RERG: variants seen among roughly 807,000 people sequenced by gnomAD.
RERG encodes RAS like estrogen regulated growth inhibitor.
Under a neutral mutation model 23.2 loss-of-function variants are expected in RERG, and 25 were observed. The ratio of observed to expected loss-of-function variants is 1.08; its 90% CI spans 0.79 to 1.50. The LOEUF (loss-of-function observed/expected upper bound fraction) is 1.50. Ranked by LOEUF, RERG falls within the 40% of genes most tolerant of loss-of-function variation. RERG has a pLI of 0.00. For synonymous variants in RERG, 81 were observed against 89.1 expected (o/e 0.91, Z 0.51); for missense variants, 253 against 250.1 (o/e 1.01, Z -0.08).
At chr12:15,211,726 C>T (rs568551144) in intron 2 of RERG, among the ~76,000 whole-genome samples, 2 of 152,160 alleles carry the variant, frequency 1.3e-5, no homozygotes, top group Non-Finnish European at 2.9e-5. Flanking sequence ...GATGGACATG[C>T]TAATTCACCT....
At chr12:15,155,610 G>C (rs1864510094) in intron 2 of RERG, among the ~76,000 whole-genome samples, 1 of 152,170 alleles carries the variant, frequency 6.6e-6, no homozygotes, top group African/African-American at 2.4e-5. Context: ...GGGATTGGGG[G>C]ACTCCTGTCT....
At chr12:15,182,300 C>T (rs1032593137) in intron 2 of RERG, among the ~76,000 whole-genome samples, 1 of 152,000 alleles carries the variant, frequency 6.6e-6, no homozygotes, top group Non-Finnish European at 1.5e-5. Flanking sequence ...TTAGGTGATC[C>T]GCCTGTCTCA....
chr12:15,155,117 A>G (rs1342906900), intron 2 of RERG: 1 of 152,170 alleles, frequency 6.6e-6, no homozygotes, highest in East Asian at 1.9e-4. Flanking sequence ...AAGCAATTAA[A>G]AAAAGGAAAA....
At chr12:15,215,924 T>C (rs1368842763) in intron 2 of RERG, among the ~76,000 whole-genome samples, 1 of 152,232 alleles carries the variant, frequency 6.6e-6, no homozygotes, top group African/African-American at 2.4e-5. Context: ...ATTTTTATGT[T>C]TGACTTCTTA....
intron 2 of RERG, among the ~76,000 whole-genome samples, chr12:15,201,583 T>A (rs1011762421): frequency 9.4e-5 from 14 of 148,996 alleles, no homozygotes; most frequent in Non-Finnish European, 1.6e-4. Flanking sequence ...TTAGCTAATA[T>A]TAATTATTAG....
intron 2 of RERG, among the ~76,000 whole-genome samples, chr12:15,161,138 AAAAGAAAGAAAGAAAGAAAGAAAG>A (rs57319626): frequency 0.021 from 895 of 41,638 alleles, 14 homozygotes; most frequent in African/African-American, 0.037. Flanking sequence ...CCATCTCAGA[AAAAGAAAGAAAGAAAGAAAGAAAG>A]AAAGAAAGAA....
chr12:15,166,517 G>GTGGTGA (rs1020649639), intron 2 of RERG, among the ~76,000 whole-genome samples: 3 of 151,192 alleles, frequency 2.0e-5, no homozygotes, highest in African/African-American at 4.8e-5. Flanking sequence ...GGTGGTGATG[G>GTGGTGA]TGGTGATGGT....
intron 3 of RERG, among the ~76,000 whole-genome samples, chr12:15,115,007 T>C (rs1863693883): frequency 6.6e-6 from 1 of 152,146 alleles, no homozygotes; most frequent in African/African-American, 2.4e-5. Flanking sequence ...AAATGTGGCA[T>C]AGTAAAGAAT....
intron 4 of RERG, among the ~76,000 whole-genome samples, chr12:15,110,744 C>T (rs1863599017): frequency 6.6e-6 from 1 of 152,084 alleles, no homozygotes; most frequent in Non-Finnish European, 1.5e-5. Flanking sequence ...TCCCAAAGTG[C>T]TGGGATTACA....
chr12:15,215,244 T>G (rs1865423982), intron 2 of RERG, among the ~76,000 whole-genome samples: 1 of 152,176 alleles, frequency 6.6e-6, no homozygotes, highest in Non-Finnish European at 1.5e-5. Flanking sequence ...GATCTCTCTG[T>G]GCAGGTGTTA....
chr12:15,117,622 G>A (rs1440623123), intron 3 of RERG, among the ~76,000 whole-genome samples: 1 of 151,966 alleles, frequency 6.6e-6, no homozygotes, highest in Non-Finnish European at 1.5e-5. Flanking sequence ...AGTAGTGATA[G>A]AGGCTGAAAT....
intron 2 of RERG, among the ~76,000 whole-genome samples, chr12:15,162,350 T>C (rs1162622252): frequency 6.6e-6 from 1 of 152,172 alleles, no homozygotes; most frequent in Non-Finnish European, 1.5e-5. Flanking sequence ...AATATTCCAA[T>C]GTATCAGATA....
chr12:15,156,029 T>C (rs1377727297), intron 2 of RERG, among the ~76,000 whole-genome samples: 1 of 150,420 alleles, frequency 6.6e-6, no homozygotes, highest in African/African-American at 2.4e-5. Flanking sequence ...TAAATATTGA[T>C]ATACTGTTAG....
Position 15,111,351 on chromosome 12 carries a change from G to A in RERG, c.185C>T (p.Ala62Val). The change falls in exon 4 of 5, where the codon GCT becomes GTT. Residue 62 changes from alanine to valine, a missense_variant. Transcript: ENST00000256953. ...EVVSMEILDT[A>V]GQEDTIQREG... ...GCTGAACTCTTTATTCACCTGACCA[G>A]CAGTGTCTAGTATCTCCATGGAAAC... The A allele has an allele frequency of 1.2e-6, 2 of 1,608,664 alleles. No individual in the cohort carries two copies. The highest frequency in any genetic ancestry group is 1.7e-6 in the Non-Finnish European group (2 of 1,175,694).
chr12:15,130,033 G>C (rs927694669), intron 2 of RERG, among the ~76,000 whole-genome samples: 11 of 152,100 alleles, frequency 7.2e-5, no homozygotes, highest in Admixed American at 3.9e-4. Flanking sequence ...AAATGATGTT[G>C]GACTTGAACA....
intron 2 of RERG, among the ~76,000 whole-genome samples, chr12:15,207,476 C>G (rs1445962070): frequency 6.6e-6 from 1 of 152,148 alleles, no homozygotes; most frequent in Non-Finnish European, 1.5e-5. Flanking sequence ...ACAACCATCT[C>G]CATTTGCAAT....
Position 15,140,029 on chromosome 12 carries a change from T to C in RERG, c.62-18910A>G, listed in dbSNP as rs1236599839. 1.3e-5 allele frequency among the ~76,000 whole-genome samples: 2 copies of C among 152,320 alleles called. 1 individual carries two copies. The highest frequency in any genetic ancestry group is 3.9e-4 in the East Asian group (2 of 5,192). ...TGTAGAAAATTGTCTCAATCTTTCT[T>C]AAATGTTTGGTAGAATTCTCTAATG... On this transcript the variant is annotated intron_variant, in intron 2 of 4. Coordinates refer to ENST00000256953, the MANE Select transcript of RERG (RefSeq NM_032918.3).
intron 2 of RERG, among the ~76,000 whole-genome samples, chr12:15,148,118 T>C (rs1227309653): frequency 1.3e-5 from 2 of 152,138 alleles, no homozygotes; most frequent in African/African-American, 2.4e-5. Context: ...TATATCCTTA[T>C]AGCCCAGGGA....
chr12:15,181,616 T>C (rs1018533952), intron 2 of RERG, among the ~76,000 whole-genome samples: 2 of 152,232 alleles, frequency 1.3e-5, no homozygotes, highest in African/African-American at 2.4e-5. Flanking sequence ...AGGATTGTTA[T>C]GAGAATTAAT....
Sources: gnomAD v4.1 joint callset for allele counts (sites outside exome capture counted in the v4.1 genomes callset) on GRCh38, gnomAD v4.1.1 for gene constraint, MANE v1.5 for transcripts, NCBI Gene and HGNC (gene_info 2026-07-23, HGNC 2026-07-21) for gene names.